Variants in CEP70 observed in about 807,000 individuals in gnomAD.
CEP70 encodes centrosomal protein 70.
In CEP70, 70 loss-of-function variants were observed where a neutral mutation model predicts 90.9. The ratio of observed to expected loss-of-function variants is 0.77; its 90% CI spans 0.64 to 0.94. The LOEUF is 0.94. CEP70 is among the 40% of genes least tolerant of loss of function. The probability of loss-of-function intolerance (pLI) is 0.00; values close to 1 mark genes in which losing one functional copy is unlikely to be tolerated. For synonymous variants in CEP70, 220 were observed against 228.3 expected (o/e 0.96, Z 0.33); for missense variants, 648 against 669.0 (o/e 0.97, Z 0.35).
rs139912745 is a variant in CEP70, at chr3:138,580,421, C to T, written c.-5-7489G>A. Among the ~76,000 whole-genome samples, 858 of 152,272 alleles carry T rather than the reference C, an allele frequency of 5.6e-3. 6 individuals are homozygous for T. The highest frequency in any genetic ancestry group is 0.02 in the African/African-American group (826 of 41,556). Reference sequence around the variant, plus strand: ...ATCTTGTCCAAGACCAGCAAGGTGGCAACTCTGTAAGTCTGCAAAAACCAC... The same window carrying T: ...ATCTTGTCCAAGACCAGCAAGGTGGTAACTCTGTAAGTCTGCAAAAACCAC... On this transcript the variant is annotated intron_variant, in intron 2 of 17. Transcript: ENST00000264982.
In CEP70 at chr3:138,570,492, T is replaced by C; in HGVS notation, c.291A>G (p.Glu97=). Residue 97 remains glutamate, a synonymous_variant, in exon 6 of 18, where the codon GAA becomes GAG. Transcript: ENST00000264982. ...CTGCTCGGCTTTGCTCTAGCTGAAGTTCATTTCTAAGTTAATAGACATACA... is the reference window on the plus strand; with the variant it reads ...CTGCTCGGCTTTGCTCTAGCTGAAGCTCATTTCTAAGTTAATAGACATACA... The part of the protein sequence containing the change: ...LIETNQQLRN[E]LQLEQSRAAN... The C allele has an allele frequency of 2.5e-6, 4 of 1,604,088 alleles. No homozygotes were observed. Among genetic ancestry groups the C allele is most frequent in the Non-Finnish European group, 3.4e-6 (4 of 1,177,094 alleles).
In CEP70 at chr3:138,508,460, T is replaced by G. The variant is rs572473343; in HGVS notation, c.1029A>C (p.Leu343=). The part of the protein sequence containing the change: ...EPSKYNQQQA[L]IDQRYFQVLC... ...ATACCTGAAAGTATCTCTGGTCAAT[T>G]AGGGCCTGTTGCTGATTATATTTGC... Residue 343 remains leucine (L), a synonymous_variant, in exon 12 of 18, where the codon CTA becomes CTC. Coordinates refer to ENST00000264982, the MANE Select transcript of CEP70 (RefSeq NM_024491.4). The G allele has an allele frequency of 6.2e-7, 1 of 1,609,654 alleles. No individual in the cohort carries two copies. The highest frequency in any genetic ancestry group is 2.2e-5 in the East Asian group (1 of 44,804).
chr3:138,508,035 G>C (rs996334798), intron 12 of CEP70, among the ~76,000 whole-genome samples: 2 of 151,820 alleles, frequency 1.3e-5, no homozygotes, highest in Non-Finnish European at 2.9e-5. Context: ...ACACCATATA[G>C]AAAATTAAAT....
At chr3:138,550,606 G>A (rs1324984959) in intron 6 of CEP70, among the ~76,000 whole-genome samples, 1 of 152,054 alleles carries the variant, frequency 6.6e-6, no homozygotes, top group Non-Finnish European at 1.5e-5. Flanking sequence ...CAGGTGATCT[G>A]CCCGCCTCAG....
Position 138,587,945 on chromosome 3 carries a change from T to A in CEP70, c.-6+3909A>T, listed in dbSNP as rs934826489. On this transcript the variant is annotated intron_variant, in intron 2 of 17. Transcript: ENST00000264982. ...TTCCAGAAACAGACTCATACATATA[T>A]GGACAACTAATTTTCACCAAAGATA... 2.6e-5 allele frequency among the ~76,000 whole-genome samples: 4 copies of A among 151,190 alleles called. No individual in the cohort carries two copies. The East Asian group carries it at 7.7e-4, about 29-fold the overall frequency.
At chr3:138,572,980 G>A in intron 2 of CEP70, 48 bp from the exon 3 acceptor site, 2 of 1,340,938 alleles carry the variant, frequency 1.5e-6, no homozygotes, top group Non-Finnish European at 2.1e-6. Context: ...AAAAATTTGA[G>A]TTGCCTAAAT....
chr3:138,515,347 T>C (rs976748365), intron 11 of CEP70, among the ~76,000 whole-genome samples: 1 of 151,670 alleles, frequency 6.6e-6, no homozygotes, highest in African/African-American at 2.4e-5. Flanking sequence ...GCTTATCTAA[T>C]AGGTGTATTT....
At position 138,529,594 on chromosome 3, in the gene CEP70, A is replaced by T. The variant is rs2037625256; in HGVS notation, c.693-132T>A. The T allele has an allele frequency of 1.1e-5, 7 of 629,482 alleles. No individual in the cohort carries two copies. In the South Asian group the frequency reaches 1.4e-4, roughly 13 times the overall value. 39.0% of individuals were successfully genotyped at this position (629,482 alleles called of 1,614,324 possible). On this transcript the variant is annotated intron_variant, in intron 8 of 17. Coordinates refer to ENST00000264982, the MANE Select transcript of CEP70 (RefSeq NM_024491.4). The stretch of plus-strand genomic sequence containing the variant: ...TAATCCACATTTCCTACTTGTTCTC[A>T]TAGAGAATGGTATTAGAACACTACT...
At position 138,529,274 on chromosome 3, in the gene CEP70, T is replaced by A. The variant is rs1208241398; in HGVS notation, c.794A>T (p.Gln265Leu). Residue 265 changes from glutamine (Q) to leucine (L), a missense_variant, in exon 10 of 18, where the codon CAA becomes CTA. Physicochemically the swap from Gln to Leu is moderately radical, Grantham distance 113. Coordinates refer to ENST00000264982, the MANE Select transcript of CEP70 (RefSeq NM_024491.4). The part of the protein sequence containing the change: ...YKGLLMSLQN[Q>L]LKESKSKIDA... The stretch of plus-strand genomic sequence containing the variant: ...AATCTTAGATTTTGATTCCTTGAGT[T>A]GATTCTGTAATGACTGCAACACATT... 6.2e-7 allele frequency: 1 copy of A among 1,606,860 alleles called. No homozygotes were observed. The highest frequency in any genetic ancestry group is 1.7e-5 in the Admixed American group (1 of 59,440).
In CEP70 at chr3:138,537,922, CTGAGGAT is replaced by C. The variant is rs1442238614; in HGVS notation, c.466-582_466-576del. Among the ~76,000 whole-genome samples, 43 of 152,256 alleles carry C rather than the reference CTGAGGAT, an allele frequency of 2.8e-4. No individual in the cohort carries two copies. In the East Asian group the frequency reaches 6.8e-3, roughly 24 times the overall value. On this transcript the variant is annotated intron_variant, in intron 6 of 17. Coordinates refer to ENST00000264982, the MANE Select transcript of CEP70 (RefSeq NM_024491.4). ...ACCAGCAATATCCCAGAACTCAAAT[CTGAGGAT>C]GGGACAATCCCCGGGACCACAAAGA... is the stretch of plus-strand genomic sequence containing the variant.
intron 6 of CEP70, among the ~76,000 whole-genome samples, chr3:138,560,467 G>A (rs2040325097): frequency 6.6e-6 from 1 of 151,434 alleles, no homozygotes; most frequent in African/African-American, 2.4e-5. Context: ...AGGTGCAGGA[G>A]TTTTTGTTTT....
chr3:138,567,802 T>C (rs1429840006), intron 6 of CEP70, among the ~76,000 whole-genome samples: 1 of 152,200 alleles, frequency 6.6e-6, no homozygotes, highest in Non-Finnish European at 1.5e-5. Context: ...TTCTCCCATG[T>C]ATATATGATA....
Position 138,571,135 on chromosome 3 carries a change from C to T in CEP70, c.183G>A (p.Gln61=), listed in dbSNP as rs765692452. 2.5e-6 allele frequency: 4 copies of T among 1,592,474 alleles called. No homozygotes were observed. Among genetic ancestry groups the T allele is most frequent in the Admixed American group, 3.4e-5 (2 of 58,604 alleles). The change falls in exon 5 of 18, where the codon CAG becomes CAA. Residue 61 remains glutamine, a synonymous_variant. Coordinates refer to ENST00000264982, the MANE Select transcript of CEP70 (RefSeq NM_024491.4). ...AATTCTGTCTCATCCTTTGTGATGA[C>T]TGTTTGTCAAAAATGATGAGATCTA... The part of the protein sequence containing the change: ...DLKDLIIFDK[Q]SSQRMRQNLK...
At chr3:138,587,945 T>C (rs934826489) in intron 2 of CEP70, among the ~76,000 whole-genome samples, 3 of 151,082 alleles carry the variant, frequency 2.0e-5, no homozygotes, top group Non-Finnish European at 4.4e-5. Context: ...CATACATATA[T>C]GGACAACTAA....
chr3:138,512,450 T>G (rs905197854), intron 11 of CEP70, among the ~76,000 whole-genome samples: 1 of 152,332 alleles, frequency 6.6e-6, no homozygotes, highest in African/African-American at 2.4e-5. Context: ...TTACATGACT[T>G]AATTGGCATT....
At chr3:138,529,135 G>T in intron 10 of CEP70, 64 bp downstream of exon 10, 3 of 957,838 alleles carry the variant, frequency 3.1e-6, no homozygotes, top group Non-Finnish European at 3.2e-6. Context: ...CACTGCACTT[G>T]GCCTGAGTGA....
chr3:138,546,724 G>C (rs1034858243), intron 6 of CEP70, among the ~76,000 whole-genome samples: 1 of 152,084 alleles, frequency 6.6e-6, no homozygotes, highest in African/African-American at 2.4e-5. Context: ...ATTCCAGCCT[G>C]AGTGACAAAG....
intron 12 of CEP70, 138 bp downstream of exon 12, chr3:138,508,301 G>C (rs1053963575): frequency 7.8e-6 from 5 of 642,294 alleles, no homozygotes; most frequent in Non-Finnish European, 1.4e-5. Flanking sequence ...TTATGTCACG[G>C]AAAGACAAGA....
At chr3:138,502,895 G>A (rs1203122608) in intron 13 of CEP70, among the ~76,000 whole-genome samples, 7 of 152,180 alleles carry the variant, frequency 4.6e-5, no homozygotes, top group Non-Finnish European at 2.9e-5. Context: ...GTATTCAAGA[G>A]TGTACTGGGT....
Sources: gnomAD v4.1 joint callset for allele counts (sites outside exome capture counted in the v4.1 genomes callset) on GRCh38, gnomAD v4.1.1 for gene constraint, MANE v1.5 for transcripts, NCBI Gene and HGNC (gene_info 2026-07-23, HGNC 2026-07-21) for gene names.